The following PALM2AKAP2 variants were observed in gnomAD, a reference collection of about 807,000 sequenced individuals.
PALM2AKAP2 encodes PALM2-AKAP2 fusion protein.
Under a neutral mutation model 71.5 loss-of-function variants are expected in PALM2AKAP2, and 37 were observed. That is an observed-to-expected ratio of 0.52 (90% CI 0.40 to 0.68). The LOEUF (loss-of-function observed/expected upper bound fraction) is 0.68, where lower values mean the gene tolerates loss of function less well. Among genes scored for constraint, PALM2AKAP2 ranks in the 30% least tolerant of loss-of-function variants. The probability of loss-of-function intolerance (pLI) is 0.00; values close to 1 mark genes in which losing one functional copy is unlikely to be tolerated. For missense variants in PALM2AKAP2, 1,224 were observed against 1,191.8 expected (o/e 1.03, Z -0.40); for synonymous variants, 468 against 478.8 (o/e 0.98, Z 0.29).
At chr9:109,744,844 A>G (rs1318355032) in intron 1 of PALM2AKAP2, among the ~76,000 whole-genome samples, 1 of 152,102 alleles carries the variant, frequency 6.6e-6, no homozygotes, top group Non-Finnish European at 1.5e-5. Context: ...CAGCATTAAG[A>G]TTTTGAACAC....
intron 1 of PALM2AKAP2, among the ~76,000 whole-genome samples, chr9:109,684,353 G>A (rs183888218): frequency 6.6e-6 from 1 of 152,222 alleles, no homozygotes; most frequent in East Asian, 1.9e-4. Context: ...TAATGCCCGG[G>A]CCCCACTCTA....
rs1019755686 is a variant in PALM2AKAP2 at position 109,694,107 on chromosome 9, A to T, written c.5+53241A>T. ...GCTTGACTGTTTTGTTTACTCCAGT[A>T]TTCTCAGTTCCTGAATGATTAAATA... On this transcript the variant is annotated intron_variant, in intron 1 of 6. Transcript: ENST00000374531. Among the ~76,000 whole-genome samples, 9 of 152,044 alleles carry T rather than the reference A, an allele frequency of 5.9e-5. No individual in the cohort carries two copies. In the South Asian group the frequency reaches 1.7e-3, roughly 28 times the overall value.
intron 6 of PALM2AKAP2, among the ~76,000 whole-genome samples, chr9:110,012,814 T>C (rs1038727624): frequency 1.3e-5 from 2 of 152,184 alleles, no homozygotes; most frequent in Non-Finnish European, 2.9e-5. Context: ...AATGATTGTA[T>C]AATAGCAGAG....
intron 2 of PALM2AKAP2, among the ~76,000 whole-genome samples, chr9:109,878,064 A>G (rs1285963778): frequency 2.6e-5 from 4 of 152,196 alleles, no homozygotes; most frequent in South Asian, 2.1e-4. Flanking sequence ...GTGGAGAACA[A>G]TGGTTCTGAA....
chr9:109,773,129 A>G (rs1230334928), intron 1 of PALM2AKAP2, among the ~76,000 whole-genome samples: 1 of 151,894 alleles, frequency 6.6e-6, no homozygotes, highest in East Asian at 1.9e-4. Flanking sequence ...AAAAAAAAAG[A>G]ATGTTGCAAA....
chr9:110,074,907 A>C (rs545410448), intron 1 of PALM2AKAP2, among the ~76,000 whole-genome samples: 2 of 151,996 alleles, frequency 1.3e-5, no homozygotes, highest in Admixed American at 6.6e-5. Flanking sequence ...GGAGGCTGAG[A>C]CAGGAGAATC....
intron 5 of PALM2AKAP2, among the ~76,000 whole-genome samples, chr9:109,929,714 A>G (rs1831047111): frequency 1.3e-5 from 2 of 151,956 alleles, no homozygotes; most frequent in South Asian, 2.1e-4. Flanking sequence ...AATACAAAAA[A>G]TTAGCCGGGT....
intron 1 of PALM2AKAP2, among the ~76,000 whole-genome samples, chr9:109,648,755 G>T (rs2132230548): frequency 6.6e-6 from 1 of 152,276 alleles, no homozygotes; most frequent in East Asian, 1.9e-4. Context: ...AACACCACCA[G>T]CCCTTTCATC....
At position 109,910,503 on chromosome 9, in the gene PALM2AKAP2, T is replaced by C. The variant is rs149242399; in HGVS notation, c.258-13232T>C. Among the ~76,000 whole-genome samples, 811 of 152,212 alleles carry C rather than the reference T, an allele frequency of 5.3e-3. 8 individuals are homozygous for C. Among genetic ancestry groups the C allele is most frequent in the East Asian group, 0.029 (149 of 5,180 alleles). ...AACAATAAAACAAATAAACCTTTAG[T>C]GGTAGAGTAGGAGAAGAGGTGCCCA... On this transcript the variant is annotated intron_variant, in intron 3 of 9. Coordinates refer to the PALM2AKAP2 transcript ENST00000302798.
intron 2 of PALM2AKAP2, among the ~76,000 whole-genome samples, chr9:110,142,271 TAG>T (rs1371055883): frequency 2.6e-5 from 4 of 152,004 alleles, no homozygotes; most frequent in Non-Finnish European, 4.4e-5. Flanking sequence ...GTATTTTTAG[TAG>T]AGACAGAGTT....
At chr9:110,135,977 T>G in intron 1 of PALM2AKAP2, 150 bp from the exon 8 acceptor site, 1 of 1,051,464 alleles carries the variant, frequency 9.5e-7, no homozygotes, top group African/African-American at 1.6e-5. Flanking sequence ...AAAATGAACA[T>G]TTAAGGGATT....
intron 1 of PALM2AKAP2, among the ~76,000 whole-genome samples, chr9:109,707,561 G>C (rs540516285): frequency 2.0e-5 from 3 of 152,196 alleles, no homozygotes; most frequent in Non-Finnish European, 4.4e-5. Flanking sequence ...CTCAGCAGGA[G>C]TGATCTCACC....
At chr9:109,721,015 T>C (rs1828397186) in intron 1 of PALM2AKAP2, among the ~76,000 whole-genome samples, 1 of 152,190 alleles carries the variant, frequency 6.6e-6, no homozygotes, top group Non-Finnish European at 1.5e-5. Context: ...GTAGACAGGC[T>C]CTGTATTTTT....
At chr9:109,778,870 G>C (rs1829388080), upstream of PALM2AKAP2, among the ~76,000 whole-genome samples, 2 of 151,448 alleles carry the variant, frequency 1.3e-5, no homozygotes, top group Middle Eastern at 3.4e-3. Context: ...CCAGGTTCCA[G>C]TGATTCTCCT....
intron 3 of PALM2AKAP2, among the ~76,000 whole-genome samples, chr9:109,911,894 C>G (rs1427250346): frequency 6.6e-6 from 1 of 152,096 alleles, no homozygotes; most frequent in African/African-American, 2.4e-5. Context: ...TTTTAACACT[C>G]TAATACAAGG....
At chr9:110,033,611 G>T (rs1253522528) in intron 7 of PALM2AKAP2, among the ~76,000 whole-genome samples, 1 of 152,236 alleles carries the variant, frequency 6.6e-6, no homozygotes, top group East Asian at 1.9e-4. Context: ...GAAGAGCAGA[G>T]TCAGAATTCA....
At chr9:110,046,772 T>C (rs1201392379), upstream of PALM2AKAP2, among the ~76,000 whole-genome samples, 1 of 152,202 alleles carries the variant, frequency 6.6e-6, no homozygotes. Context: ...CCGGCCTTGC[T>C]TTACTGTTTC....
intron 1 of PALM2AKAP2, among the ~76,000 whole-genome samples, chr9:109,710,673 G>A (rs928994102): frequency 3.3e-5 from 5 of 152,118 alleles, no homozygotes; most frequent in South Asian, 2.1e-4. Flanking sequence ...TTGGTTTCCC[G>A]TCTGTCCTCA....
At chr9:110,031,583 C>T (rs1341763926) in intron 7 of PALM2AKAP2, among the ~76,000 whole-genome samples, 1 of 152,132 alleles carries the variant, frequency 6.6e-6, no homozygotes, top group Admixed American at 6.6e-5. Flanking sequence ...TTAATTCTTA[C>T]CACAACCCTA....
Sources: allele counts gnomAD v4.1 joint callset (sites outside exome capture counted in the v4.1 genomes callset), GRCh38; gene constraint gnomAD v4.1.1; transcripts MANE v1.5; gene names NCBI Gene and HGNC (gene_info 2026-07-23, HGNC 2026-07-21).